The following P2RX6 variants were observed in gnomAD, a reference collection of about 807,000 sequenced individuals.
P2RX6 encodes the protein P2X purinoceptor 6.
P2RX6 carries 62 observed loss-of-function variants against 54.2 expected under a neutral mutation model. The ratio of observed to expected loss-of-function variants is 1.14; its 90% CI spans 0.93 to 1.41. The LOEUF is 1.41. Ranked by LOEUF, P2RX6 falls within the 40% of genes most tolerant of loss-of-function variation. P2RX6 has a pLI of 0.00. For synonymous variants in P2RX6, 211 were observed against 231.9 expected (o/e 0.91, Z 0.82); for missense variants, 541 against 566.3 (o/e 0.96, Z 0.45).
At chr22:21,011,612 C>A, upstream of P2RX6, 1 of 712,920 alleles carries the variant, frequency 1.4e-6, no homozygotes, top group South Asian at 1.5e-5. Context: ...AGCCACTCCT[C>A]AGCCAGTGGG....
At chr22:21,020,857 G>T (rs1315120220) in intron 3 of P2RX6, among the ~76,000 whole-genome samples, 1 of 151,858 alleles carries the variant, frequency 6.6e-6, no homozygotes, top group Non-Finnish European at 1.5e-5. Context: ...TTCTCAAAGT[G>T]TTGGGATTAC....
At chr22:21,022,838 C>T (rs529201882) in intron 4 of P2RX6, 87 bp downstream of exon 4, 33 of 1,456,784 alleles carry the variant, frequency 2.3e-5, no homozygotes, top group African/African-American at 1.3e-4. Context: ...AGGCCCTGCT[C>T]GCCTCTGTCC....
In P2RX6 at chr22:21,025,894, G is replaced by GGCAGGTAGGC. The variant is rs1928353747; in HGVS notation, c.981_984+6dup. Reference sequence around the variant, plus strand: ...ATCCGCTTCGACATCCTCGTCACCGGGCAGGTAGGCACAGGTAGGGGTCAG... The same window carrying GGCAGGTAGGC: ...ATCCGCTTCGACATCCTCGTCACCGGGCAGGTAGGCGCAGGTAGGCACAGGTAGGGGTCAG... On this transcript the variant is annotated frameshift_variant, in exon 9 of 12. Coordinates refer to ENST00000413302, the MANE Select transcript of P2RX6 (RefSeq NM_005446.5). LOFTEE classifies it high-confidence loss of function. 4 of 1,578,338 alleles carry GGCAGGTAGGC rather than the reference G, an allele frequency of 2.5e-6. No individual in the cohort carries two copies. The highest frequency in any genetic ancestry group is 3.4e-6 in the Non-Finnish European group (4 of 1,162,504).
chr22:21,016,961 C>T (rs994974501), intron 2 of P2RX6, among the ~76,000 whole-genome samples: 1 of 152,176 alleles, frequency 6.6e-6, no homozygotes, highest in Non-Finnish European at 1.5e-5. Flanking sequence ...CTGTGACGCC[C>T]ACTAGTCATG....
intron 2 of P2RX6, among the ~76,000 whole-genome samples, chr22:21,017,498 G>A (rs1290975186): frequency 2.2e-4 from 34 of 152,332 alleles, no homozygotes; most frequent in Admixed American, 2.2e-3. Context: ...ATCCTGAGCA[G>A]GTGCTGGGCC....
In P2RX6 at chr22:21,022,709, G is replaced by A. The variant is rs746528036; in HGVS notation, c.421G>A (p.Asp141Asn). 20 of 1,576,898 alleles carry A rather than the reference G, an allele frequency of 1.3e-5. No individual in the cohort carries two copies. Among genetic ancestry groups the A allele is most frequent in the South Asian group, 2.4e-5 (2 of 84,586 alleles). ...CGTCCCACTGGCTAACTGCTGGGTC[G>A]ACGAGGACTGCCCCGAAGGGGAGGG... ...PSVPLANCWV[D>N]EDCPEGEGGT... The change falls in exon 4 of 12, where the codon GAC (aspartate) becomes AAC (asparagine). Residue 141 changes from aspartate to asparagine, a missense_variant. Physicochemically the swap from Asp to Asn is conservative, Grantham distance 23. This residue lies in a region of P2RX6 where 526 missense variants were observed against 531.5 expected (regional missense o/e 0.99). Transcript: ENST00000413302.
chr22:21,017,126 C>A lies in P2RX6; in HGVS notation c.316-863C>A, dbSNP rs1456266051. On this transcript the variant is annotated intron_variant, in intron 2 of 11. Coordinates refer to ENST00000413302, the MANE Select transcript of P2RX6 (RefSeq NM_005446.5). ...CCTAGATGCCCCTCTCGCCTCCTCC[C>A]TTACTGCTCGGTGCACACCACGCAG... 3.3e-5 allele frequency among the ~76,000 whole-genome samples: 5 copies of A among 152,162 alleles called. No individual in the cohort carries two copies. In the East Asian group the frequency reaches 9.7e-4, roughly 29 times the overall value.
At chr22:21,020,579 C>CT (rs371860947) in intron 3 of P2RX6, among the ~76,000 whole-genome samples, 102 of 132,500 alleles carry the variant, frequency 7.7e-4, no homozygotes, top group South Asian at 1.7e-3. Flanking sequence ...TGAGCAGAAT[C>CT]TTTTTTTTTT....
upstream of P2RX6, among the ~76,000 whole-genome samples, chr22:21,010,803 C>T (rs1925696487): frequency 6.6e-6 from 1 of 152,174 alleles, no homozygotes; most frequent in East Asian, 1.9e-4. Context: ...AGCCCTGCAG[C>T]CCTCTGCCCT....
In P2RX6 at chr22:21,019,345, T is replaced by C. The variant is rs1926960038; in HGVS notation, c.387+1285T>C. On this transcript the variant is annotated intron_variant, in intron 3 of 11. Transcript: ENST00000413302. ...TGTTTGTTTTTTTGAGATGGAGTCT[T>C]GCTCTTGTCCCCAAGGCTGGAGTTC... 2.0e-5 allele frequency among the ~76,000 whole-genome samples: 3 copies of C among 152,178 alleles called. No homozygotes were observed. In the South Asian group the frequency reaches 6.2e-4, roughly 32 times the overall value.
intron 8 of P2RX6, among the ~76,000 whole-genome samples, chr22:21,024,383 T>G (rs1569179393): frequency 6.6e-6 from 1 of 151,986 alleles, no homozygotes; most frequent in Non-Finnish European, 1.5e-5. Flanking sequence ...GTTCACGCCA[T>G]TCTCCTGCCT....
rs115526068 is a variant in P2RX6, at chr22:21,026,740, G to A, written c.*123G>A. The A allele has an allele frequency of 2.1e-3, 3,007 of 1,452,436 alleles. 53 individuals are homozygous for A. The African/African-American group carries it at 0.037, about 18-fold the overall frequency. 90.0% of individuals were successfully genotyped at this position (1,452,436 alleles called of 1,614,324 possible). ...TTCCACCCTTGAACCCCAGCAGACA[G>A]TCCCTCCCCTGACTCCCACCTTGGT... is the stretch of plus-strand genomic sequence containing the variant. On this transcript the variant is annotated 3_prime_UTR_variant, in exon 12 of 12. Coordinates refer to ENST00000413302, the MANE Select transcript of P2RX6 (RefSeq NM_005446.5). The surrounding 1 kb of genome is among the most constrained non-coding windows in gnomAD (Gnocchi z 4.0).
chr22:21,020,225 T>C (rs551748223), intron 3 of P2RX6, among the ~76,000 whole-genome samples: 10 of 152,206 alleles, frequency 6.6e-5, no homozygotes, highest in Non-Finnish European at 1.0e-4. Context: ...TCTGTGCAAT[T>C]CCTCTTTGTC....
chr22:21,020,789 G>A (rs937624085), intron 3 of P2RX6, among the ~76,000 whole-genome samples: 7 of 151,778 alleles, frequency 4.6e-5, no homozygotes, highest in African/African-American at 1.5e-4. Flanking sequence ...ACAGGGTTTT[G>A]CTGTGTCGGC....
chr22:21,013,101 AGCAGAAGATGG>A (rs1490815872), upstream of P2RX6: 1 of 162,858 alleles, frequency 6.1e-6, no homozygotes, highest in African/African-American at 2.4e-5. Context: ...TGGCACAGAA[AGCAGAAGATGG>A]GCACAATGCT....
At chr22:21,016,359 A>C (rs1181857913) in intron 2 of P2RX6, among the ~76,000 whole-genome samples, 1 of 152,038 alleles carries the variant, frequency 6.6e-6, no homozygotes, top group Non-Finnish European at 1.5e-5. Context: ...GCACTTTGGG[A>C]GGCCAAGGCA....
At chr22:21,013,175 C>G (rs3761411), upstream of P2RX6, 24,329 of 163,344 alleles carry the variant, frequency 0.15, 1,869 homozygotes, top group African/African-American at 0.17. Flanking sequence ...TTCTCCAAGT[C>G]CATGGGTGCC....
rs1453713492 is a variant in P2RX6, at chr22:21,027,608, C to T, written c.*991C>T. 1.3e-5 allele frequency: 2 copies of T among 152,404 alleles called. No homozygotes were observed. The highest frequency in any genetic ancestry group is 1.9e-4 in the East Asian group (1 of 5,186). The allele number at this position is 152,404 out of a possible 1,614,324, so 9.4% of individuals were successfully genotyped here. A position where few individuals can be genotyped will look rare whatever the true frequency, so the allele number is the denominator to read the frequency against. On this transcript the variant is annotated 3_prime_UTR_variant, in exon 12 of 12. Transcript: ENST00000413302. ...TTCCAAACAACACCACCGAGATCTC[C>T]CTCAGGCTGGCCAGGTTTTGCAGCT...
chr22:21,015,886 C>T (rs1220074886), intron 1 of P2RX6, 56 bp from the exon 2 acceptor site: 54 of 1,522,822 alleles, frequency 3.5e-5, no homozygotes, highest in South Asian at 7.4e-5. Context: ...GGCTCAGCTC[C>T]GCCCCTGTCA....
Sources: allele counts gnomAD v4.1 joint callset (sites outside exome capture counted in the v4.1 genomes callset), GRCh38; gene constraint gnomAD v4.1.1; regional missense constraint gnomAD v4.1.1; non-coding constraint Gnocchi (gnomAD v3.1); transcripts MANE v1.5; gene names NCBI Gene and HGNC (gene_info 2026-07-23, HGNC 2026-07-21).